Variants in DHX32 observed in about 807,000 individuals in gnomAD.
DHX32 encodes the protein putative pre-mRNA-splicing factor ATP-dependent RNA helicase DHX32.
A neutral mutation model predicts 70.0 loss-of-function variants in DHX32; 51 were observed. That is an observed-to-expected ratio of 0.73 (90% CI 0.58 to 0.92). The LOEUF (loss-of-function observed/expected upper bound fraction) is 0.92, where lower values mean the gene tolerates loss of function less well. Among genes scored for constraint, DHX32 ranks in the 40% least tolerant of loss-of-function variants. The probability of loss-of-function intolerance (pLI) is 0.00; values close to 1 mark genes in which losing one functional copy is unlikely to be tolerated. For missense variants in DHX32, 762 were observed against 891.8 expected, an observed-to-expected ratio of 0.85 and a Z score of 1.85; for synonymous variants, 310 against 315.3, an observed-to-expected ratio of 0.98 and a Z score of 0.18.
In DHX32 at chr10:125,880,569, C is replaced by G; in HGVS notation, c.256G>C (p.Asp86His). ...LQNQIVIVSG[D>H]AKCGKSAQVP... Reference sequence around the variant, plus strand: ...TGAGCGCTCTTACCACATTTAGCATCTCCTGAAACAATCACGATTTGATTT... The same window carrying G: ...TGAGCGCTCTTACCACATTTAGCATGTCCTGAAACAATCACGATTTGATTT... Residue 86 changes from aspartate to histidine, a missense_variant, in exon 1 of 11, where the codon GAT (aspartate) becomes CAT (histidine). By Grantham distance (81) the Asp-to-His change is moderately conservative. Around this residue, in one of 3 missense-constraint regions of DHX32, gnomAD observed 394 missense variants for 473.1 expected, o/e 0.83. Transcript: ENST00000284690. 6.2e-7 allele frequency: 1 copy of G among 1,611,014 alleles called. No homozygotes were observed. Among genetic ancestry groups the G allele is most frequent in the Admixed American group, 1.7e-5 (1 of 59,810 alleles).
upstream of DHX32, among the ~76,000 whole-genome samples, chr10:125,883,630 C>T (rs1436598899): frequency 6.6e-6 from 1 of 152,210 alleles, no homozygotes; most frequent in Non-Finnish European, 1.5e-5. Flanking sequence ...GGAGCCCATA[C>T]AACCCAAAGT....
At chr10:125,843,192 A>C (rs1236494947) in intron 6 of DHX32, among the ~76,000 whole-genome samples, 1 of 152,220 alleles carries the variant, frequency 6.6e-6, no homozygotes, top group East Asian at 1.9e-4. Flanking sequence ...AGTTCCAGTA[A>C]GTGCAAGGTG....
intron 9 of DHX32, 39 bp downstream of exon 9, chr10:125,838,962 C>A: frequency 6.3e-7 from 1 of 1,584,520 alleles, no homozygotes; most frequent in Non-Finnish European, 8.6e-7. Flanking sequence ...ATGTGCAATT[C>A]AGCAGAGCCT....
intron 8 of DHX32, among the ~76,000 whole-genome samples, chr10:125,839,931 A>G (rs1854824048): frequency 6.6e-6 from 1 of 152,180 alleles, no homozygotes; most frequent in African/African-American, 2.4e-5. Flanking sequence ...TGCCCTCAAA[A>G]GGTGCCACCA....
rs1170350164 is a variant in DHX32 at position 125,880,842 on chromosome 10, T to A, written c.-18A>T. The A allele has an allele frequency of 8.1e-6, 13 of 1,598,970 alleles. No homozygotes were observed. The highest frequency in any genetic ancestry group is 1.1e-5 in the Non-Finnish European group (13 of 1,173,798). On this transcript the variant is annotated 5_prime_UTR_variant, in exon 1 of 11. The change abolishes the stop of an existing upstream ORF in the 5' untranslated region. Coordinates refer to ENST00000284690, the MANE Select transcript of DHX32 (RefSeq NM_018180.3). ...TCTTCCATCTTGTCTGACAGTGAGC[T>A]CACGCAGCTGACATTCCACAAGCAA...
chr10:125,870,849 A>C (rs1222286769), intron 1 of DHX32, among the ~76,000 whole-genome samples: 1 of 152,164 alleles, frequency 6.6e-6, no homozygotes, highest in Non-Finnish European at 1.5e-5. Flanking sequence ...AAAAATAAAA[A>C]ATAAAAATAA....
chr10:125,881,337 G>C (rs1365754701), upstream of DHX32: 1 of 152,700 alleles, frequency 6.5e-6, no homozygotes, highest in Non-Finnish European at 1.5e-5. Context: ...CAGGCTCTGC[G>C]TCTTGATCAA....
intron 2 of DHX32, among the ~76,000 whole-genome samples, chr10:125,861,668 C>T (rs1021031847): frequency 2.6e-5 from 4 of 152,164 alleles, no homozygotes; most frequent in Non-Finnish European, 4.4e-5. Flanking sequence ...CCTGGTAGGG[C>T]ACCATTTCAC....
At position 125,852,462 on chromosome 10, in the gene DHX32, C is replaced by T. The variant is rs1944103514; in HGVS notation, c.1193-11G>A. 1 of 1,613,678 alleles carries T rather than the reference C, an allele frequency of 6.2e-7. No individual in the cohort carries two copies. The highest frequency in any genetic ancestry group is 1.3e-5 in the African/African-American group (1 of 74,944). On this transcript the variant is annotated splice_polypyrimidine_tract_variant and intron_variant, in intron 5 of 10. Coordinates refer to ENST00000284690, the MANE Select transcript of DHX32 (RefSeq NM_018180.3). ...GGCAGAAAAATTTTCCTAAAAGACA[C>T]CAAGAAAAATGGCTTTAATATTTCT...
intron 6 of DHX32, among the ~76,000 whole-genome samples, chr10:125,843,788 T>A (rs1292398780): frequency 6.6e-6 from 1 of 152,112 alleles, no homozygotes; most frequent in Non-Finnish European, 1.5e-5. Context: ...GCACCAGATA[T>A]AACTTCAGCC....
At chr10:125,874,863 G>A (rs1564831198) in intron 1 of DHX32, among the ~76,000 whole-genome samples, 1 of 152,172 alleles carries the variant, frequency 6.6e-6, no homozygotes, top group Non-Finnish European at 1.5e-5. Flanking sequence ...TAGATGGATA[G>A]AATGAGACGT....
At chr10:125,890,098 C>G (rs1186118638) in intron 1 of DHX32, among the ~76,000 whole-genome samples, 1 of 152,310 alleles carries the variant, frequency 6.6e-6, no homozygotes, top group Non-Finnish European at 1.5e-5. Context: ...CACGTTGCAT[C>G]ACTGGGGGTT....
intron 1 of DHX32, among the ~76,000 whole-genome samples, chr10:125,867,896 A>G (rs191709817): frequency 1.2e-3 from 176 of 152,318 alleles, no homozygotes; most frequent in Non-Finnish European, 2.0e-3. Context: ...TGTTTTAAGC[A>G]ATGTAAATTA....
chr10:125,847,950 G>C (rs1440470502), intron 6 of DHX32, among the ~76,000 whole-genome samples: 2 of 152,188 alleles, frequency 1.3e-5, no homozygotes, highest in Non-Finnish European at 2.9e-5. Flanking sequence ...CTCACCTCCT[G>C]CTGTCCGGCC....
At chr10:125,880,366 T>C (rs1243993325) in intron 1 of DHX32, among the ~76,000 whole-genome samples, 177 bp downstream of exon 1, 1 of 152,158 alleles carries the variant, frequency 6.6e-6, no homozygotes, top group Non-Finnish European at 1.5e-5. Flanking sequence ...TATTAACTTT[T>C]CAGCTAGTAT....
chr10:125,848,957 C>T (rs973065188), intron 6 of DHX32, among the ~76,000 whole-genome samples: 3 of 152,176 alleles, frequency 2.0e-5, no homozygotes, highest in African/African-American at 7.2e-5. Context: ...AATGATGGGG[C>T]CAGGCTTGGA....
rs561488774 is a variant in DHX32, at chr10:125,855,561, G to A, written c.850-1358C>T. Among the ~76,000 whole-genome samples, 5 of 147,584 alleles carry A rather than the reference G, an allele frequency of 3.4e-5. No homozygotes were observed. In the Admixed American group the frequency reaches 3.5e-4, roughly 10 times the overall value. ...CCTCTCAGGTTCATGCCATTCTCCTGCCTCAGCCTCCCGAGTAGCTGGGAC... is the reference window on the plus strand; with the variant it reads ...CCTCTCAGGTTCATGCCATTCTCCTACCTCAGCCTCCCGAGTAGCTGGGAC... On this transcript the variant is annotated intron_variant, in intron 3 of 10. Transcript: ENST00000284690.
In DHX32 at chr10:125,836,685, A is replaced by T; in HGVS notation, c.*2T>A. On this transcript the variant is annotated 3_prime_UTR_variant, in exon 11 of 11. Transcript: ENST00000284690. ...CTGCTGCACCTTGTGTTTGCTGGGG[A>T]GTCACTGGAGAGTGCATCTCTGTTC... 6.2e-7 allele frequency: 1 copy of T among 1,613,242 alleles called. No homozygotes were observed. The highest frequency in any genetic ancestry group is 8.5e-7 in the Non-Finnish European group (1 of 1,179,378).
chr10:125,847,094 G>C (rs1161727884), intron 6 of DHX32, among the ~76,000 whole-genome samples: 1 of 151,952 alleles, frequency 6.6e-6, no homozygotes, highest in Admixed American at 6.6e-5. Flanking sequence ...GAGTCCACAG[G>C]GGGAGACTCT....
Sources: gnomAD v4.1 joint callset for allele counts (sites outside exome capture counted in the v4.1 genomes callset) on GRCh38, gnomAD v4.1.1 for gene constraint, gnomAD v4.1.1 regional missense constraint, MANE v1.5 for transcripts, NCBI Gene and HGNC (gene_info 2026-07-23, HGNC 2026-07-21) for gene names.